Variants in PRKAR1A observed in about 807,000 individuals in gnomAD.
The protein encoded by PRKAR1A is protein kinase cAMP-dependent type I regulatory subunit alpha, also known as cAMP-dependent protein kinase type I-alpha regulatory subunit.
Under a neutral mutation model 52.0 loss-of-function variants are expected in PRKAR1A, and 3 were observed. The observed-to-expected ratio is 0.06, with a 90% CI of 0.03 to 0.15. The LOEUF is 0.15. Ranked by LOEUF, PRKAR1A falls within the 10% of genes least tolerant of loss-of-function variation. The probability of loss-of-function intolerance (pLI) is 1.00; values close to 1 mark genes in which losing one functional copy is unlikely to be tolerated. For synonymous variants in PRKAR1A, 188 were observed against 168.4 expected (o/e 1.12, Z -0.90); for missense variants, 240 against 477.4 (o/e 0.50, Z 4.63).
At chr17:68,457,125 C>T in the PRKAR1A span, among the ~76,000 whole-genome samples, 2 of 152,146 alleles carry the variant, frequency 1.3e-5, no homozygotes, top group African/African-American at 4.8e-5. Flanking sequence ...AACCTTGTCG[C>T]TCTGGGAGGA....
chr17:68,500,185 C>G, the PRKAR1A span, among the ~76,000 whole-genome samples: 1 of 152,208 alleles, frequency 6.6e-6, no homozygotes, highest in East Asian at 1.9e-4. Context: ...CAAAATCACA[C>G]TGATATGGTT....
At chr17:68,453,387 G>A in the PRKAR1A span, among the ~76,000 whole-genome samples, 1 of 152,164 alleles carries the variant, frequency 6.6e-6, no homozygotes, top group African/African-American at 2.4e-5. Context: ...TGTTGTCTGA[G>A]AGGCACTTTA....
the PRKAR1A span, among the ~76,000 whole-genome samples, chr17:68,486,380 TTCTTTC>T: frequency 2.3e-5 from 2 of 88,498 alleles, no homozygotes; most frequent in African/African-American, 4.9e-5. Context: ...TATTCTTTCT[TTCTTTC>T]TCTTTCTTTC....
the PRKAR1A span, chr17:68,450,971 G>C: frequency 6.5e-6 from 10 of 1,531,448 alleles, no homozygotes; most frequent in South Asian, 1.3e-4. Context: ...CATGACACTG[G>C]GCCCGGCGCA....
At chr17:68,522,959 T>C (rs2143276919) in intron 3 of PRKAR1A, 33 bp downstream of exon 3, 1 of 1,610,298 alleles carries the variant, frequency 6.2e-7, no homozygotes, top group Non-Finnish European at 8.5e-7. Context: ...GGGGGGATGC[T>C]TTTGGGACCC....
At chr17:68,512,884 C>G (rs373477078) in intron 1 of PRKAR1A, 38 of 152,400 alleles carry the variant, frequency 2.5e-4, no homozygotes, top group African/African-American at 9.1e-4. Flanking sequence ...GCGGCCTCTT[C>G]GCTCACCCTC....
chr17:68,467,763 G>C, the PRKAR1A span, among the ~76,000 whole-genome samples: 1 of 152,148 alleles, frequency 6.6e-6, no homozygotes, highest in Non-Finnish European at 1.5e-5. Context: ...CATTCTCCTA[G>C]CTAAAATCTC....
the PRKAR1A span, among the ~76,000 whole-genome samples, chr17:68,464,174 A>G: frequency 0.78 from 118,763 of 152,164 alleles, 46,796 homozygotes; most frequent in African/African-American, 0.85. Flanking sequence ...TGACATTGGC[A>G]TATCTAATCC....
At chr17:68,460,989 G>C in the PRKAR1A span, among the ~76,000 whole-genome samples, 1 of 152,144 alleles carries the variant, frequency 6.6e-6, no homozygotes, top group African/African-American at 2.4e-5. Flanking sequence ...CTGTGGGAGA[G>C]GACACTCTTG....
chr17:68,546,061 T>A (rs1272407162), intron 11 of PRKAR1A, among the ~76,000 whole-genome samples: 1 of 149,474 alleles, frequency 6.7e-6, no homozygotes, highest in Non-Finnish European at 1.5e-5. Context: ...CCCAGCTACT[T>A]GGGAGGCTGA....
chr17:68,507,625 A>C (rs577338277), upstream of PRKAR1A, among the ~76,000 whole-genome samples: 1 of 152,172 alleles, frequency 6.6e-6, no homozygotes, highest in Non-Finnish European at 1.5e-5. Context: ...TCTTCTGCAC[A>C]TGTATCCCGA....
chr17:68,489,061 G>C, the PRKAR1A span, among the ~76,000 whole-genome samples: 35 of 149,254 alleles, frequency 2.3e-4, 1 homozygote, highest in Admixed American at 2.4e-3. Flanking sequence ...ATAAGTTTGG[G>C]CTATTTCTAA....
At chr17:68,452,644 T>C in the PRKAR1A span, among the ~76,000 whole-genome samples, 2 of 152,350 alleles carry the variant, frequency 1.3e-5, no homozygotes, top group Admixed American at 1.3e-4. Flanking sequence ...CATATAAGCA[T>C]GTGAAAAAGT....
the PRKAR1A span, chr17:68,420,366 C>T: frequency 1.2e-6 from 2 of 1,614,160 alleles, no homozygotes; most frequent in Non-Finnish European, 1.7e-6. Flanking sequence ...CAAGACATTG[C>T]CAACGACAAC....
downstream of PRKAR1A, among the ~76,000 whole-genome samples, chr17:68,538,257 G>A (rs1326996464): frequency 3.9e-5 from 6 of 152,210 alleles, no homozygotes; most frequent in Non-Finnish European, 8.8e-5. Flanking sequence ...TTTTATGTGG[G>A]AATCTGACTT....
chr17:68,496,818 C>CTTTTTTTTTTTT, the PRKAR1A span, among the ~76,000 whole-genome samples: 14 of 91,214 alleles, frequency 1.5e-4, 1 homozygote, highest in South Asian at 3.8e-4. Flanking sequence ...TTAGTTTTTA[C>CTTTTTTTTTTTT]TTTTTTTTTT....
the PRKAR1A span, among the ~76,000 whole-genome samples, chr17:68,433,775 T>TGTTTTTTTTTTTTTG: frequency 1.6e-5 from 1 of 61,516 alleles, no homozygotes; most frequent in African/African-American, 5.1e-5. Flanking sequence ...TTTTTTTTTT[T>TGTTTTTTTTTTTTTG]TTTTTTTTTT....
the PRKAR1A span, among the ~76,000 whole-genome samples, chr17:68,502,568 T>C: frequency 1.3e-5 from 2 of 152,086 alleles, no homozygotes; most frequent in East Asian, 1.9e-4. Context: ...CTGACCAACA[T>C]GGTGAAACCC....
At position 68,531,037 on chromosome 17, in the gene PRKAR1A, C is replaced by T. The variant is rs754670746; in HGVS notation, c.*588C>T. The T allele has an allele frequency of 3.4e-5, 35 of 1,020,018 alleles. No homozygotes were observed. Among genetic ancestry groups the T allele is most frequent in the African/African-American group, 7.0e-5 (4 of 57,104 alleles). 63.2% of individuals were successfully genotyped at this position (1,020,018 alleles called of 1,614,324 possible). Reference sequence around the variant, plus strand: ...TATGATTGGTTCAGTTTTTTTTTTTCCAGAGTTGTTGTTTGCCAAGCTAAT... The same window carrying T: ...TATGATTGGTTCAGTTTTTTTTTTTTCAGAGTTGTTGTTTGCCAAGCTAAT... On this transcript the variant is annotated 3_prime_UTR_variant, in exon 11 of 11. Transcript: ENST00000589228.
Sources: gnomAD v4.1 joint callset for allele counts (sites outside exome capture counted in the v4.1 genomes callset) on GRCh38, gnomAD v4.1.1 for gene constraint, MANE v1.5 for transcripts, NCBI Gene and HGNC (gene_info 2026-07-23, HGNC 2026-07-21) for gene names.